FSTL4: variants seen among roughly 807,000 people sequenced by gnomAD.
FSTL4 encodes the protein follistatin like 4.
A neutral mutation model predicts 78.2 loss-of-function variants in FSTL4; 28 were observed. The ratio of observed to expected loss-of-function variants is 0.36; its 90% CI spans 0.27 to 0.49. FSTL4 has a LOEUF of 0.49. Ranked by LOEUF, FSTL4 falls within the 20% of genes least tolerant of loss-of-function variation. The pLI is 0.98. For missense variants in FSTL4, 922 were observed against 1,084.9 expected (o/e 0.85, Z 2.11); for synonymous variants, 422 against 440.5 (o/e 0.96, Z 0.53).
chr5:133,398,422 T>G (rs1756129223), intron 4 of FSTL4, among the ~76,000 whole-genome samples: 2 of 152,136 alleles, frequency 1.3e-5, no homozygotes, highest in South Asian at 4.1e-4. Flanking sequence ...AGTGTCTGCC[T>G]GACACTCATG....
the FSTL4 span, among the ~76,000 whole-genome samples, chr5:133,805,681 G>T: frequency 9.2e-5 from 14 of 152,204 alleles, no homozygotes; most frequent in African/African-American, 3.4e-4. Context: ...TCCTCTCCCA[G>T]ATAGCTGTTC....
At chr5:133,677,565 T>C in the FSTL4 span, among the ~76,000 whole-genome samples, 35 of 152,344 alleles carry the variant, frequency 2.3e-4, 1 homozygote, top group African/African-American at 8.4e-4. Flanking sequence ...ATCCTGCAAG[T>C]GAATAGACTT....
At position 133,518,355 on chromosome 5, in the gene FSTL4, A is replaced by G. The variant is rs1281642815; in HGVS notation, c.160+48831T>C. Among the ~76,000 whole-genome samples, 5 of 152,376 alleles carry G rather than the reference A, an allele frequency of 3.3e-5. No individual in the cohort carries two copies. In the East Asian group the frequency reaches 7.7e-4, roughly 23 times the overall value. On this transcript the variant is annotated intron_variant, in intron 3 of 15. Transcript: ENST00000265342. ...GAGTAGTCAAACTACAGAGAAATCA[A>G]TACAACTGGTGAATAAACACATGAA...
At chr5:133,545,304 A>G (rs904397990) in intron 3 of FSTL4, among the ~76,000 whole-genome samples, 1 of 152,160 alleles carries the variant, frequency 6.6e-6, no homozygotes, top group Non-Finnish European at 1.5e-5. Context: ...ACTAAGAGGG[A>G]TTCATGCCAC....
chr5:133,790,171 G>A, the FSTL4 span, among the ~76,000 whole-genome samples: 6 of 152,254 alleles, frequency 3.9e-5, no homozygotes, highest in South Asian at 1.2e-3. Flanking sequence ...CCTCCATCAT[G>A]CATATAATTA....
chr5:133,215,703 T>C (rs1001923405), intron 13 of FSTL4, among the ~76,000 whole-genome samples: 4 of 152,212 alleles, frequency 2.6e-5, no homozygotes, highest in Non-Finnish European at 5.9e-5. Context: ...CCAAAATCAA[T>C]TGAAACCAGC....
At chr5:133,602,910 T>A (rs914942454) in intron 2 of FSTL4, among the ~76,000 whole-genome samples, 4 of 152,212 alleles carry the variant, frequency 2.6e-5, no homozygotes, top group African/African-American at 9.6e-5. Context: ...CTACACTGAG[T>A]AACCTTATTC....
chr5:133,313,927 T>C (rs932483272), intron 5 of FSTL4, among the ~76,000 whole-genome samples: 1 of 152,210 alleles, frequency 6.6e-6, no homozygotes, highest in African/African-American at 2.4e-5. Context: ...CGGGCTCTGC[T>C]TGGCAGATTT....
intron 3 of FSTL4, among the ~76,000 whole-genome samples, chr5:133,543,400 A>T (rs1296194569): frequency 1.3e-5 from 2 of 152,276 alleles, no homozygotes; most frequent in Middle Eastern, 3.4e-3. Flanking sequence ...AATAGCTCCC[A>T]TTGTGATCAT....
chr5:133,213,604 T>G (rs1048751892), intron 13 of FSTL4, among the ~76,000 whole-genome samples: 5 of 152,202 alleles, frequency 3.3e-5, no homozygotes, highest in African/African-American at 1.2e-4. Context: ...ATGCATGTTA[T>G]AATCACTATT....
At chr5:133,274,380 C>CTTTT (rs59634629) in intron 6 of FSTL4, among the ~76,000 whole-genome samples, 3 of 71,022 alleles carry the variant, frequency 4.2e-5, no homozygotes, top group African/African-American at 5.7e-5. Flanking sequence ...GCAATCTGTG[C>CTTTT]TTTTTTTTTT....
chr5:133,671,554 C>A, the FSTL4 span, among the ~76,000 whole-genome samples: 1 of 152,186 alleles, frequency 6.6e-6, no homozygotes, highest in African/African-American at 2.4e-5. Context: ...TTACTTTCTG[C>A]AGAAAGGGTA....
intron 3 of FSTL4, among the ~76,000 whole-genome samples, chr5:133,513,009 T>C (rs1051403241): frequency 6.6e-6 from 1 of 152,086 alleles, no homozygotes; most frequent in African/African-American, 2.4e-5. Flanking sequence ...TTAGTAGAGA[T>C]GGGGTTTCCC....
intron 13 of FSTL4, among the ~76,000 whole-genome samples, chr5:133,214,435 C>G (rs1274410526): frequency 6.6e-6 from 1 of 152,146 alleles, no homozygotes; most frequent in East Asian, 1.9e-4. Flanking sequence ...ATATAACAAG[C>G]CTTTACTGGG....
At chr5:133,782,244 C>T in the FSTL4 span, among the ~76,000 whole-genome samples, 1 of 152,256 alleles carries the variant, frequency 6.6e-6, no homozygotes. Context: ...TGTATCAAAT[C>T]GGCAAAGACA....
At chr5:133,423,918 C>T (rs1207664862) in intron 3 of FSTL4, among the ~76,000 whole-genome samples, 1 of 152,160 alleles carries the variant, frequency 6.6e-6, no homozygotes, top group Non-Finnish European at 1.5e-5. Context: ...GTGCACACAG[C>T]GCACGTGAGC....
chr5:133,289,924 T>C (rs1038677917), intron 6 of FSTL4, among the ~76,000 whole-genome samples: 1 of 152,208 alleles, frequency 6.6e-6, no homozygotes, highest in Non-Finnish European at 1.5e-5. Context: ...ACAAAAAGAA[T>C]CTTGTCTCAA....
At chr5:133,800,194 A>C in the FSTL4 span, among the ~76,000 whole-genome samples, 1 of 138,610 alleles carries the variant, frequency 7.2e-6, no homozygotes, top group African/African-American at 2.6e-5. Context: ...GCTGAGAAGC[A>C]GTCCTTCCAA....
At chr5:133,659,149 T>A in the FSTL4 span, among the ~76,000 whole-genome samples, 1 of 152,156 alleles carries the variant, frequency 6.6e-6, no homozygotes, top group East Asian at 1.9e-4. Flanking sequence ...ATGTTCCATA[T>A]CCTTGCTTAT....
Sources: allele counts gnomAD v4.1 joint callset (sites outside exome capture counted in the v4.1 genomes callset), GRCh38; gene constraint gnomAD v4.1.1; transcripts MANE v1.5; gene names NCBI Gene and HGNC (gene_info 2026-07-23, HGNC 2026-07-21).